Variants in VTI1A observed in about 807,000 individuals in gnomAD.
VTI1A encodes the protein vesicle transport through interaction with t-SNAREs 1A, also known as vesicle transport through interaction with t-SNAREs homolog 1A.
Under a neutral mutation model 34.9 loss-of-function variants are expected in VTI1A, and 22 were observed. That is an observed-to-expected ratio of 0.63 (90% CI 0.45 to 0.90). The LOEUF is 0.90. VTI1A is among the 40% of genes least tolerant of loss of function. The pLI, the probability that VTI1A is intolerant of heterozygous loss-of-function variation, is 0.00. For missense variants in VTI1A, 268 were observed against 275.6 expected (o/e 0.97, Z 0.20); for synonymous variants, 87 against 97.3 (o/e 0.89, Z 0.62).
At chr10:112,730,461 A>T (rs1482207869) in intron 7 of VTI1A, among the ~76,000 whole-genome samples, 3 of 152,204 alleles carry the variant, frequency 2.0e-5, no homozygotes, top group African/African-American at 7.2e-5. Flanking sequence ...GTGAGGGATG[A>T]TGTACAGCCA....
chr10:112,631,066 T>A (rs961094138), intron 5 of VTI1A, among the ~76,000 whole-genome samples: 1 of 151,234 alleles, frequency 6.6e-6, no homozygotes, highest in Non-Finnish European at 1.5e-5. Context: ...GAGGTGGAGG[T>A]TGCAGTGAGC....
chr10:112,713,386 G>C (rs1323575060), intron 7 of VTI1A, among the ~76,000 whole-genome samples: 1 of 151,970 alleles, frequency 6.6e-6, no homozygotes, highest in Non-Finnish European at 1.5e-5. Context: ...TTATTTTAAG[G>C]GTACTTAAAT....
intron 5 of VTI1A, among the ~76,000 whole-genome samples, chr10:112,555,195 A>G (rs1851501556): frequency 6.6e-6 from 1 of 152,124 alleles, no homozygotes; most frequent in Non-Finnish European, 1.5e-5. Flanking sequence ...AGTGCCTAAA[A>G]TCTATTCTTG....
intron 5 of VTI1A, among the ~76,000 whole-genome samples, chr10:112,572,042 A>G (rs1225779659): frequency 2.4e-5 from 3 of 125,170 alleles, no homozygotes; most frequent in Non-Finnish European, 3.4e-5. Flanking sequence ...TATGCTCACA[A>G]CTTGAATGAC....
In VTI1A at chr10:112,622,636, T is replaced by C. The variant is rs188070002; in HGVS notation, c.428-45582T>C. On this transcript the variant is annotated intron_variant, in intron 5 of 7. Coordinates refer to ENST00000393077, the MANE Select transcript of VTI1A (RefSeq NM_145206.4). ...AAATCATCAATTCCTATAATTTAGA[T>C]TTTTACCCAGAGTCAGTGTGTTCAT... 9.1e-4 allele frequency among the ~76,000 whole-genome samples: 138 copies of C among 152,280 alleles called. 1 individual carries two copies. The highest frequency in any genetic ancestry group is 8.8e-3 in the Admixed American group (135 of 15,298).
intron 3 of VTI1A, among the ~76,000 whole-genome samples, chr10:112,517,139 TAAG>T (rs2134194268): frequency 6.6e-6 from 1 of 151,934 alleles, no homozygotes; most frequent in African/African-American, 2.4e-5. Flanking sequence ...TGAAGGAGAC[TAAG>T]AAGGAGAGAC....
At chr10:112,544,663 A>G (rs1305711987) in intron 5 of VTI1A, among the ~76,000 whole-genome samples, 1 of 152,114 alleles carries the variant, frequency 6.6e-6, no homozygotes, top group Non-Finnish European at 1.5e-5. Flanking sequence ...GCTACCTTAC[A>G]TTGGCTAGTC....
chr10:112,736,403 C>T (rs1590132699), intron 7 of VTI1A, among the ~76,000 whole-genome samples: 1 of 152,168 alleles, frequency 6.6e-6, no homozygotes, highest in African/African-American at 2.4e-5. Context: ...TAACCCTAGT[C>T]TCTAAGAATG....
At chr10:112,725,649 A>G (rs1467949369) in intron 7 of VTI1A, among the ~76,000 whole-genome samples, 1 of 152,242 alleles carries the variant, frequency 6.6e-6, no homozygotes, top group Non-Finnish European at 1.5e-5. Context: ...ATTCTATCAT[A>G]TAGAAAAGCT....
At chr10:112,677,991 A>G (rs1209907867) in intron 7 of VTI1A, among the ~76,000 whole-genome samples, 1 of 152,230 alleles carries the variant, frequency 6.6e-6, no homozygotes, top group Non-Finnish European at 1.5e-5. Context: ...AAATAGTTTC[A>G]GAGTTGTTAT....
chr10:112,825,256 C>T, the VTI1A span: 37,048 of 152,740 alleles, frequency 0.24, 4,777 homozygotes, highest in African/African-American at 0.29. Flanking sequence ...CAGCTCCACT[C>T]ACCTTCTACC....
the VTI1A span, among the ~76,000 whole-genome samples, chr10:112,853,410 C>T: frequency 4.2e-4 from 64 of 152,266 alleles, no homozygotes; most frequent in African/African-American, 1.5e-3. Context: ...CTCTTTGAGC[C>T]CTGGATTCTG....
Position 112,817,749 on chromosome 10 carries a change from A to G in VTI1A, c.*2366A>G, listed in dbSNP as rs577436463. 70 of 230,470 alleles carry G rather than the reference A, an allele frequency of 3.0e-4. No homozygotes were observed. Among genetic ancestry groups the G allele is most frequent in the Admixed American group, 1.5e-3 (26 of 17,700 alleles). The allele number at this position is 230,470 out of a possible 1,614,324, so 14.3% of individuals were successfully genotyped here. On this transcript the variant is annotated 3_prime_UTR_variant, in exon 8 of 8. Coordinates refer to ENST00000393077, the MANE Select transcript of VTI1A (RefSeq NM_145206.4). ...AATAACGTCCACAGACTTGAAGCAG[A>G]TAGTGAAGTAGATCTGTGAGAGGTT... is the stretch of plus-strand genomic sequence containing the variant.
intron 5 of VTI1A, among the ~76,000 whole-genome samples, chr10:112,539,852 T>G (rs1170394137): frequency 1.3e-5 from 2 of 152,256 alleles, no homozygotes; most frequent in Non-Finnish European, 2.9e-5. Flanking sequence ...ATTGACGATC[T>G]ACAGGCATTT....
chr10:112,774,491 C>T (rs1444301138), intron 7 of VTI1A, among the ~76,000 whole-genome samples: 3 of 152,166 alleles, frequency 2.0e-5, no homozygotes, highest in Non-Finnish European at 2.9e-5. Flanking sequence ...AGTCTGACAG[C>T]TCTAACCAGT....
At chr10:112,626,592 A>C (rs78157987) in intron 5 of VTI1A, among the ~76,000 whole-genome samples, 2,421 of 152,258 alleles carry the variant, frequency 0.016, 64 homozygotes, top group African/African-American at 0.055. Flanking sequence ...AAAAAAAAGA[A>C]AGAAAGAAAA....
intron 5 of VTI1A, among the ~76,000 whole-genome samples, chr10:112,658,028 T>C (rs1378546291): frequency 6.6e-6 from 1 of 150,692 alleles, no homozygotes; most frequent in Non-Finnish European, 1.5e-5. Context: ...CTGGGTGATC[T>C]TGGAGATCTC....
intron 3 of VTI1A, among the ~76,000 whole-genome samples, chr10:112,467,964 A>G (rs1847953615): frequency 6.6e-6 from 1 of 152,240 alleles, no homozygotes; most frequent in African/African-American, 2.4e-5. Context: ...AGTGGGAAAG[A>G]CAACAAACAA....
chr10:112,736,653 C>G, intron 7 of VTI1A: 1 of 1,544,760 alleles, frequency 6.5e-7, no homozygotes, highest in South Asian at 1.2e-5. Flanking sequence ...AACAAGTATA[C>G]AAACTAGTGC....
Sources: gnomAD v4.1 joint callset for allele counts (sites outside exome capture counted in the v4.1 genomes callset) on GRCh38, gnomAD v4.1.1 for gene constraint, MANE v1.5 for transcripts, NCBI Gene and HGNC (gene_info 2026-07-23, HGNC 2026-07-21) for gene names.